The following RGS6 variants were observed in gnomAD, a reference collection of about 807,000 sequenced individuals.
The protein encoded by RGS6 is regulator of G protein signaling 6, also known as regulator of G-protein signaling 6.
In RGS6, 30 loss-of-function variants were observed where a neutral mutation model predicts 78.5. That is an observed-to-expected ratio of 0.38 (90% confidence interval 0.29 to 0.52). The LOEUF (loss-of-function observed/expected upper bound fraction) is 0.52. RGS6 is among the 20% of genes least tolerant of loss of function. The pLI is 0.85. For missense variants in RGS6, 495 were observed against 609.7 expected, an observed-to-expected ratio of 0.81 and a Z score of 1.98; for synonymous variants, 206 against 206.0, an observed-to-expected ratio of 1.00 and a Z score of 0.00.
intron 2 of RGS6, among the ~76,000 whole-genome samples, chr14:72,342,206 A>G (rs1566569778): frequency 6.6e-6 from 1 of 150,448 alleles, no homozygotes; most frequent in Non-Finnish European, 1.5e-5. Context: ...GTGAGATGAG[A>G]AATAAAAAAG....
chr14:71,935,736 T>C (rs1328298327), intron 1 of RGS6, among the ~76,000 whole-genome samples: 1 of 152,090 alleles, frequency 6.6e-6, no homozygotes, highest in Non-Finnish European at 1.5e-5. Context: ...CCTCTGGGCC[T>C]CTGTTTCCCT....
chr14:72,558,572 C>G (rs1207067152), intron 17 of RGS6, among the ~76,000 whole-genome samples: 1 of 152,240 alleles, frequency 6.6e-6, no homozygotes, highest in Non-Finnish European at 1.5e-5. Flanking sequence ...GGGGCTATTC[C>G]TTTTGTGTGT....
intron 2 of RGS6, among the ~76,000 whole-genome samples, chr14:72,321,405 A>G (rs557786975): frequency 1.6e-4 from 24 of 152,190 alleles, no homozygotes; most frequent in Non-Finnish European, 3.1e-4. Flanking sequence ...TATTAAAAAA[A>G]AAGATTCTGA....
At chr14:72,134,835 A>G (rs1399383651) in intron 2 of RGS6, among the ~76,000 whole-genome samples, 1 of 152,152 alleles carries the variant, frequency 6.6e-6, no homozygotes, top group African/African-American at 2.4e-5. Flanking sequence ...GAAGAGAGAG[A>G]GTGAATTCCC....
chr14:72,341,133 G>C (rs1359484324), intron 2 of RGS6, among the ~76,000 whole-genome samples: 2 of 152,090 alleles, frequency 1.3e-5, no homozygotes, highest in African/African-American at 4.8e-5. Flanking sequence ...AGGTTTAATT[G>C]ACTTGCAGTT....
chr14:71,987,718 A>G (rs963137340), intron 2 of RGS6, among the ~76,000 whole-genome samples: 6 of 152,044 alleles, frequency 3.9e-5, no homozygotes, highest in Admixed American at 1.3e-4. Context: ...ACAGGGTCTC[A>G]CTGTGCTGCC....
chr14:72,544,035 C>T (rs1247966577), intron 17 of RGS6, among the ~76,000 whole-genome samples: 3 of 152,224 alleles, frequency 2.0e-5, no homozygotes, highest in African/African-American at 7.2e-5. Flanking sequence ...CCGCCCTCTG[C>T]TCTCTCTTAA....
intron 14 of RGS6, among the ~76,000 whole-genome samples, chr14:72,515,202 C>A (rs1209941009): frequency 6.6e-6 from 1 of 151,692 alleles, no homozygotes; most frequent in African/African-American, 2.4e-5. Flanking sequence ...GGAATGTTAC[C>A]CCATACCTTC....
chr14:72,257,859 A>T (rs113517812), intron 2 of RGS6, among the ~76,000 whole-genome samples: 1 of 152,184 alleles, frequency 6.6e-6, no homozygotes, highest in Non-Finnish European at 1.5e-5. Context: ...CATGAAGTCA[A>T]TGGAAAAGAA....
chr14:71,883,209 G>A, the RGS6 span, among the ~76,000 whole-genome samples: 3 of 152,094 alleles, frequency 2.0e-5, no homozygotes, highest in African/African-American at 7.2e-5. Flanking sequence ...TAGTTTGGGG[G>A]CCTGGCTAAA....
chr14:72,040,307 G>A (rs1314955752), intron 2 of RGS6, among the ~76,000 whole-genome samples: 1 of 151,948 alleles, frequency 6.6e-6, no homozygotes, highest in Non-Finnish European at 1.5e-5. Context: ...TTCCTGTAAG[G>A]CAGGTCTAGT....
chr14:72,366,614 G>A (rs1221346096), intron 3 of RGS6, among the ~76,000 whole-genome samples: 1 of 152,144 alleles, frequency 6.6e-6, no homozygotes, highest in Non-Finnish European at 1.5e-5. Flanking sequence ...TTCTGAGCAA[G>A]GTGCCCACAG....
At chr14:72,532,709 TG>T (rs1280654361) in intron 15 of RGS6, among the ~76,000 whole-genome samples, 1 of 152,222 alleles carries the variant, frequency 6.6e-6, no homozygotes, top group Non-Finnish European at 1.5e-5. Context: ...ACAGTTTTAG[TG>T]GTCTGAATAG....
chr14:71,902,151 G>C, the RGS6 span, among the ~76,000 whole-genome samples: 4 of 152,080 alleles, frequency 2.6e-5, no homozygotes, highest in Non-Finnish European at 5.9e-5. Context: ...CAGAACTCTT[G>C]ATCTATGGCA....
chr14:72,235,348 C>A (rs1008676826), intron 2 of RGS6, among the ~76,000 whole-genome samples: 3 of 152,166 alleles, frequency 2.0e-5, no homozygotes, highest in East Asian at 1.9e-4. Flanking sequence ...CCTTGTGTCC[C>A]TACATCGTCT....
intron 3 of RGS6, among the ~76,000 whole-genome samples, chr14:72,413,854 C>A: frequency 6.6e-6 from 1 of 152,164 alleles, no homozygotes; most frequent in African/African-American, 2.4e-5. Flanking sequence ...ATATGAAATT[C>A]TGGATTGAAA....
chr14:72,419,521 G>A (rs557668290), intron 3 of RGS6, among the ~76,000 whole-genome samples: 6 of 152,306 alleles, frequency 3.9e-5, no homozygotes, highest in African/African-American at 1.4e-4. Flanking sequence ...CTGAACATCA[G>A]TGTTTAAGTC....
chr14:72,412,545 G>A lies in RGS6; in HGVS notation c.185-41983G>A, dbSNP rs2093497401. The stretch of plus-strand genomic sequence containing the variant: ...CCTGGATTCATTTATTTTTTTGAAG[G>A]GTTTTTTGTGTCTCTATCTCCTTCA... On this transcript the variant is annotated intron_variant, in intron 3 of 17. Coordinates refer to ENST00000553525, the MANE Select transcript of RGS6 (RefSeq NM_001204424.2). Among the ~76,000 whole-genome samples, 4 of 151,882 alleles carry A rather than the reference G, an allele frequency of 2.6e-5. No homozygotes were observed. In the South Asian group the frequency reaches 6.2e-4, roughly 24 times the overall value.
At chr14:72,281,692 G>C (rs1421533786) in intron 2 of RGS6, among the ~76,000 whole-genome samples, 1 of 152,152 alleles carries the variant, frequency 6.6e-6, no homozygotes, top group Non-Finnish European at 1.5e-5. Context: ...TGAAAATCTG[G>C]AGGAAGCCCT....
Sources: gnomAD v4.1 joint callset for allele counts (sites outside exome capture counted in the v4.1 genomes callset) on GRCh38, gnomAD v4.1.1 for gene constraint, MANE v1.5 for transcripts, NCBI Gene and HGNC (gene_info 2026-07-23, HGNC 2026-07-21) for gene names.